KDM6A: variants seen among roughly 807,000 people sequenced by gnomAD.
KDM6A encodes the protein lysine-specific demethylase 6A.
KDM6A carries 11 observed loss-of-function variants against 117.6 expected under a neutral mutation model. That is an observed-to-expected ratio of 0.09 (90% CI 0.06 to 0.15). The LOEUF (loss-of-function observed/expected upper bound fraction) is 0.15, where lower values mean the gene tolerates loss of function less well. KDM6A is among the 10% of genes least tolerant of loss of function. The pLI is 1.00. For synonymous variants in KDM6A, 384 were observed against 396.1 expected (o/e 0.97, Z 0.36); for missense variants, 799 against 1,077.3 (o/e 0.74, Z 3.62).
intron 2 of KDM6A, among the ~76,000 whole-genome samples, chrX:44,906,610 T>C (rs1320459166): frequency 1.8e-5 from 2 of 111,522 alleles, no homozygotes; most frequent in Admixed American, 1.9e-4. Flanking sequence ...TAATTTTATT[T>C]TTAAATATTG....
In KDM6A at chrX:45,083,505, G is replaced by GCGTGT. The variant is rs753442927; in HGVS notation, c.3490_3494dup (p.Ala1167TyrfsTer7). ...AGCTGACTAAACTTCCTGCTTTTGT[G>GCGTGT]CGTGTCGTATCAGCAGGAAATCTTC... On this transcript the variant is annotated frameshift_variant, in exon 24 of 30. Coordinates refer to ENST00000611820, the MANE Select transcript of KDM6A (RefSeq NM_001291415.2). LOFTEE classifies it high-confidence loss of function. 1.7e-6 allele frequency: 2 copies of GCGTGT among 1,209,354 alleles called. No individual in the cohort carries two copies. Among genetic ancestry groups the GCGTGT allele is most frequent in the Non-Finnish European group, 2.2e-6 (2 of 893,587 alleles).
intron 2 of KDM6A, among the ~76,000 whole-genome samples, chrX:44,927,606 A>G (rs1047688601): frequency 9.9e-5 from 11 of 111,066 alleles, no homozygotes; most frequent in Non-Finnish European, 9.4e-5. Flanking sequence ...GCTTTGCTCA[A>G]GCAGAAAGTA....
intron 17 of KDM6A, among the ~76,000 whole-genome samples, chrX:45,068,723 C>T (rs1269034492): frequency 4.6e-5 from 5 of 109,465 alleles, no homozygotes; most frequent in African/African-American, 1.7e-4. Flanking sequence ...CTTGTCAACA[C>T]ACCTAGCTTG....
chrX:45,040,601 G>A (rs1360957742), intron 8 of KDM6A, among the ~76,000 whole-genome samples: 36 of 73,294 alleles, frequency 4.9e-4, no homozygotes, highest in South Asian at 7.9e-4. Context: ...CCTCCCGGAC[G>A]GGGCGGCTGG....
rs2044360717 is a variant in KDM6A at position 45,062,826 on chromosome X, T to C, written c.1683+78T>C. 9 of 630,635 alleles carry C rather than the reference T, an allele frequency of 1.4e-5. No homozygotes were observed. In the Admixed American group the frequency reaches 2.3e-4, roughly 16 times the overall value. 52.0% of individuals were successfully genotyped at this position (630,635 alleles called of 1,213,427 possible). On this transcript the variant is annotated intron_variant, in intron 16 of 29. Transcript: ENST00000611820. ...TTGACTCTAATGTCATTTTAGAGCA[T>C]GTTTATGTTCATTTTTACTTTCTAC...
At chrX:45,040,177 C>T (rs1469589115) in intron 8 of KDM6A, among the ~76,000 whole-genome samples, 2 of 87,589 alleles carry the variant, frequency 2.3e-5, no homozygotes, top group African/African-American at 8.5e-5. Context: ...GGGCGGCTGG[C>T]CAGGCAGAGG....
chrX:45,013,483 T>C (rs909063466), intron 5 of KDM6A, among the ~76,000 whole-genome samples: 1 of 112,123 alleles, frequency 8.9e-6, no homozygotes, highest in African/African-American at 3.2e-5. Flanking sequence ...CAAATGTTGA[T>C]TGCTTTAATA....
chrX:45,037,973 C>A (rs1418226231), intron 8 of KDM6A, among the ~76,000 whole-genome samples: 14 of 111,812 alleles, frequency 1.3e-4, no homozygotes, highest in African/African-American at 4.6e-4. Flanking sequence ...TGTAATCCCA[C>A]TGGTTTGGGA....
chrX:44,899,114 T>A lies in KDM6A; in HGVS notation c.225+25127T>A, dbSNP rs771285219. ...AAGGTTTCTTTGGTAAGCTTACCCT[T>A]TTATCTGCTTCTGCTTTGTGGTGGG... On this transcript the variant is annotated intron_variant, in intron 2 of 29. Transcript: ENST00000611820. 6.1e-5 allele frequency among the ~76,000 whole-genome samples: 6 copies of A among 97,697 alleles called. 1 individual carries two copies. The Admixed American group carries it at 6.9e-4, about 11-fold the overall frequency. The allele number at this position is 97,697 out of a possible 115,157, so 84.8% of individuals were successfully genotyped here.
chrX:44,982,632 CACTAAAAAGTTCTAAATAAT>C (rs1331921424), intron 4 of KDM6A, among the ~76,000 whole-genome samples: 1 of 111,833 alleles, frequency 8.9e-6, no homozygotes, highest in Non-Finnish European at 1.9e-5. Context: ...AAAACAGTTT[CACTAAAAAGTTCTAAATAAT>C]ACTGTTTTAC....
Position 45,060,755 on chromosome X carries a change from T to G in KDM6A, c.1476T>G (p.Ser492Arg). 9.5e-7 allele frequency: 1 copy of G among 1,058,030 alleles called. No individual in the cohort carries two copies. The highest frequency in any genetic ancestry group is 1.2e-6 in the Non-Finnish European group (1 of 803,408). The allele number at this position is 1,058,030 out of a possible 1,213,427, so 87.2% of individuals were successfully genotyped here. The change falls in exon 14 of 30, where the codon AGT becomes AGG. Residue 492 changes from serine to arginine, a missense_variant. Ser to Arg is a moderately radical substitution (Grantham distance 110). This residue lies in a region of KDM6A where 301 missense variants were observed against 318.3 expected (regional missense o/e 0.95). Transcript: ENST00000611820. Reference protein sequence around the residue: ...SSPAKRKRTSSPTKNTSDNWS... With the variant: ...SSPAKRKRTSRPTKNTSDNWS... The stretch of plus-strand genomic sequence containing the variant: ...CTGCCAAGAGGAAAAGAACATCTAG[T>G]CCAACAAAGGTATATGTTTTAGAGA...
chrX:44,998,401 T>G (rs1415357284), intron 4 of KDM6A, among the ~76,000 whole-genome samples: 1 of 111,950 alleles, frequency 8.9e-6, no homozygotes, highest in African/African-American at 3.2e-5. Context: ...ATCTAAAATC[T>G]GCAGTACCAT....
intron 5 of KDM6A, among the ~76,000 whole-genome samples, chrX:45,013,479 T>C (rs1228073182): frequency 8.9e-6 from 1 of 112,121 alleles, no homozygotes; most frequent in Admixed American, 9.5e-5. Context: ...AGTTCAAATG[T>C]TGATTGCTTT....
chrX:44,945,782 C>T (rs1443822900), intron 2 of KDM6A, among the ~76,000 whole-genome samples: 2 of 111,594 alleles, frequency 1.8e-5, no homozygotes, highest in Non-Finnish European at 3.8e-5. Flanking sequence ...ACTGGTTTTT[C>T]AGATGAGCTT....
chrX:45,109,668 A>T (rs1295640705), intron 28 of KDM6A, among the ~76,000 whole-genome samples: 1 of 111,145 alleles, frequency 9.0e-6, no homozygotes, highest in Non-Finnish European at 1.9e-5. Flanking sequence ...AACCCTAGCA[A>T]CTCATCAATC....
intron 2 of KDM6A, among the ~76,000 whole-genome samples, chrX:44,903,013 A>G (rs781091512): frequency 1.8e-5 from 2 of 111,901 alleles, no homozygotes; most frequent in African/African-American, 6.5e-5. Context: ...TCTTAATGCT[A>G]TCACATTGGC....
At chrX:45,046,023 C>T (rs1454142954) in intron 8 of KDM6A, among the ~76,000 whole-genome samples, 1 of 111,226 alleles carries the variant, frequency 9.0e-6, no homozygotes, top group Non-Finnish European at 1.9e-5. Flanking sequence ...AATATACAGA[C>T]TGATATCATG....
chrX:45,025,561 A>G (rs1318767293), intron 6 of KDM6A, among the ~76,000 whole-genome samples: 1 of 112,454 alleles, frequency 8.9e-6, no homozygotes, highest in Admixed American at 9.4e-5. Flanking sequence ...TACTTTAATA[A>G]AAGGATATTA....
chrX:45,083,220 T>C (rs941604700), intron 23 of KDM6A, among the ~76,000 whole-genome samples: 1 of 112,101 alleles, frequency 8.9e-6, no homozygotes, highest in East Asian at 2.8e-4. Context: ...TTATAAAATA[T>C]AATTGTACAA....
Sources: allele counts gnomAD v4.1 joint callset (sites outside exome capture counted in the v4.1 genomes callset), GRCh38; gene constraint gnomAD v4.1.1; regional missense constraint gnomAD v4.1.1; transcripts MANE v1.5; gene names NCBI Gene and HGNC (gene_info 2026-07-23, HGNC 2026-07-21).